Variants in ANKRD55 observed in about 807,000 individuals in gnomAD.
ANKRD55 encodes the protein ankyrin repeat domain 55.
A neutral mutation model predicts 60.6 loss-of-function variants in ANKRD55; 41 were observed. That is an observed-to-expected ratio of 0.68 (90% CI 0.53 to 0.88). The LOEUF (loss-of-function observed/expected upper bound fraction) is 0.88, where lower values mean the gene tolerates loss of function less well. Among genes scored for constraint, ANKRD55 ranks in the 40% least tolerant of loss-of-function variants. The pLI is 0.00. For synonymous variants in ANKRD55, 264 were observed against 290.3 expected (o/e 0.91, Z 0.92); for missense variants, 732 against 767.6 (o/e 0.95, Z 0.55).
intron 1 of ANKRD55, 83 bp downstream of exon 1, chr5:56,233,158 G>T: frequency 2.0e-6 from 1 of 508,218 alleles, no homozygotes; most frequent in Non-Finnish European, 3.5e-6. Context: ...CTGTACATGG[G>T]CATAATACAC....
intron 4 of ANKRD55, among the ~76,000 whole-genome samples, chr5:56,172,400 CA>C (rs1758629822): frequency 6.6e-6 from 1 of 152,100 alleles, no homozygotes; most frequent in East Asian, 1.9e-4. Context: ...ATCAAGTTCT[CA>C]GATTAAAAGA....
At chr5:56,186,004 T>A (rs1459497577) in intron 2 of ANKRD55, among the ~76,000 whole-genome samples, 1 of 152,228 alleles carries the variant, frequency 6.6e-6, no homozygotes, top group Non-Finnish European at 1.5e-5. Flanking sequence ...CTTGCACATT[T>A]GCCTGGGGGC....
At chr5:56,137,321 G>C (rs1757633015) in intron 7 of ANKRD55, 22 of 1,544,688 alleles carry the variant, frequency 1.4e-5, no homozygotes, top group Non-Finnish European at 1.9e-5. Flanking sequence ...TGGTCATTGA[G>C]CATATCCATG....
chr5:56,162,563 C>T (rs1758357170), intron 5 of ANKRD55, among the ~76,000 whole-genome samples: 1 of 152,094 alleles, frequency 6.6e-6, no homozygotes, highest in South Asian at 2.1e-4. Context: ...CCTTCCTTGC[C>T]CCTTTAGGTC....
intron 8 of ANKRD55, among the ~76,000 whole-genome samples, chr5:56,118,852 G>T (rs918583088): frequency 6.6e-6 from 1 of 152,016 alleles, no homozygotes; most frequent in Non-Finnish European, 1.5e-5. Flanking sequence ...ACACACCTAT[G>T]AAGATGGCTA....
At position 56,161,935 on chromosome 5, in the gene ANKRD55, G is replaced by A. The variant is rs868193312; in HGVS notation, c.423-2042C>T. On this transcript the variant is annotated intron_variant, in intron 5 of 11. Transcript: ENST00000341048. ...TTATCTTTGCAATTATTTCACCACTGGATATATTTCCCTGTGGCTGCTTTG... is the reference window on the plus strand; with the variant it reads ...TTATCTTTGCAATTATTTCACCACTAGATATATTTCCCTGTGGCTGCTTTG... The A allele has an allele frequency of 2.4e-5, 23 of 973,382 alleles. No homozygotes were observed. The Middle Eastern group carries it at 2.1e-3, about 88-fold the overall frequency. The allele number at this position is 973,382 out of a possible 1,614,324, so 60.3% of individuals were successfully genotyped here.
At position 56,115,158 on chromosome 5, in the gene ANKRD55, C is replaced by T. The variant is rs192250809; in HGVS notation, c.965+1457G>A. 2.9e-3 allele frequency among the ~76,000 whole-genome samples: 435 copies of T among 151,588 alleles called. 2 individuals are homozygous for T. Among genetic ancestry groups the T allele is most frequent in the Middle Eastern group, 6.8e-3 (2 of 294 alleles). On this transcript the variant is annotated intron_variant, in intron 9 of 11. Transcript: ENST00000341048. ...AAGGTTGCAGTAAGCCATGATTATGCCACTGCACACCAGCCTGGATGACAA... is the reference window on the plus strand; with the variant it reads ...AAGGTTGCAGTAAGCCATGATTATGTCACTGCACACCAGCCTGGATGACAA...
At chr5:56,162,332 G>T (rs1335667397) in intron 5 of ANKRD55, among the ~76,000 whole-genome samples, 1 of 152,152 alleles carries the variant, frequency 6.6e-6, no homozygotes, top group East Asian at 1.9e-4. Flanking sequence ...ATACTGCCCT[G>T]CTCTGAGGCT....
chr5:56,121,275 A>G (rs185638156), intron 8 of ANKRD55, among the ~76,000 whole-genome samples: 41 of 152,314 alleles, frequency 2.7e-4, no homozygotes, highest in African/African-American at 9.4e-4. Context: ...ATAACTCAAA[A>G]ATAGAAATTA....
intron 2 of ANKRD55, among the ~76,000 whole-genome samples, chr5:56,202,514 A>G (rs1759402773): frequency 6.6e-6 from 1 of 152,156 alleles, no homozygotes; most frequent in Admixed American, 6.5e-5. Flanking sequence ...CTGAGATGAT[A>G]AGAGTGTTTT....
At chr5:56,137,661 G>T in intron 7 of ANKRD55, 9 of 451,358 alleles carry the variant, frequency 2.0e-5, no homozygotes, top group East Asian at 4.2e-5. Context: ...ATAATCCATG[G>T]AAGAAAAAAT....
At chr5:56,160,460 G>C (rs1461239935) in intron 5 of ANKRD55, among the ~76,000 whole-genome samples, 2 of 152,106 alleles carry the variant, frequency 1.3e-5, no homozygotes, top group Non-Finnish European at 2.9e-5. Context: ...AGGATGGTCT[G>C]GATCTCCTGA....
chr5:56,122,988 A>G (rs922889319), intron 8 of ANKRD55, among the ~76,000 whole-genome samples: 1 of 151,014 alleles, frequency 6.6e-6, no homozygotes, highest in Non-Finnish European at 1.5e-5. Flanking sequence ...CTGCTCTCGA[A>G]CTCCTGGGCT....
intron 2 of ANKRD55, among the ~76,000 whole-genome samples, chr5:56,185,621 T>A (rs1330391426): frequency 6.6e-6 from 1 of 150,720 alleles, no homozygotes; most frequent in African/African-American, 2.4e-5. Flanking sequence ...TGAGCCCAGA[T>A]GGCGCCATTG....
At chr5:56,220,819 C>A (rs1267390611) in intron 2 of ANKRD55, among the ~76,000 whole-genome samples, 1 of 151,962 alleles carries the variant, frequency 6.6e-6, no homozygotes. Context: ...TCTCAAAAAA[C>A]AAAACAAAAC....
At chr5:56,131,165 A>AC (rs1268937765) in intron 7 of ANKRD55, among the ~76,000 whole-genome samples, 1 of 152,190 alleles carries the variant, frequency 6.6e-6, no homozygotes, top group East Asian at 1.9e-4. Flanking sequence ...CAACAAAAAA[A>AC]AACAACAAAA....
intron 2 of ANKRD55, among the ~76,000 whole-genome samples, chr5:56,217,844 C>T (rs781657466): frequency 7.0e-4 from 105 of 150,202 alleles, no homozygotes; most frequent in African/African-American, 2.2e-3. Flanking sequence ...TGCAGTGAGC[C>T]GAGATTGTGC....
chr5:56,137,755 A>T (rs1396700831), intron 7 of ANKRD55, among the ~76,000 whole-genome samples: 1 of 152,204 alleles, frequency 6.6e-6, no homozygotes, highest in Non-Finnish European at 1.5e-5. Context: ...CCAACCTAGA[A>T]GAAAATATTT....
chr5:56,182,096 T>C (rs1758862129), intron 3 of ANKRD55, among the ~76,000 whole-genome samples: 1 of 152,188 alleles, frequency 6.6e-6, no homozygotes, highest in South Asian at 2.1e-4. Context: ...GTGGAATCGA[T>C]GCTGGTTATT....
Sources: gnomAD v4.1 joint callset for allele counts (sites outside exome capture counted in the v4.1 genomes callset) on GRCh38, gnomAD v4.1.1 for gene constraint, MANE v1.5 for transcripts, NCBI Gene and HGNC (gene_info 2026-07-23, HGNC 2026-07-21) for gene names.